HSF5: variants seen among roughly 807,000 people sequenced by gnomAD.
The protein encoded by HSF5 is heat shock transcription factor 5.
Under a neutral mutation model 50.8 loss-of-function variants are expected in HSF5, and 5 were observed. The ratio of observed to expected loss-of-function variants is 0.10; its 90% CI spans 0.05 to 0.21. The LOEUF (loss-of-function observed/expected upper bound fraction) is 0.21, where lower values mean the gene tolerates loss of function less well. HSF5 is among the 10% of genes least tolerant of loss of function. The probability of loss-of-function intolerance (pLI) is 1.00; values close to 1 mark genes in which losing one functional copy is unlikely to be tolerated. For synonymous variants in HSF5, 307 were observed against 307.4 expected (o/e 1.00, Z 0.02); for missense variants, 564 against 762.6 (o/e 0.74, Z 3.07).
chr17:58,447,899 C>A (rs1190576533), intron 5 of HSF5, among the ~76,000 whole-genome samples: 1 of 152,218 alleles, frequency 6.6e-6, no homozygotes, highest in East Asian at 1.9e-4. Context: ...CCTGTAATCC[C>A]AGCACTTGGG....
chr17:58,483,629 T>C (rs1975129750), intron 1 of HSF5, among the ~76,000 whole-genome samples: 1 of 152,258 alleles, frequency 6.6e-6, no homozygotes, highest in African/African-American at 2.4e-5. Flanking sequence ...CTTGAGAGCA[T>C]GGTATCCCCA....
chr17:58,444,919 G>C (rs1331110847), intron 5 of HSF5, among the ~76,000 whole-genome samples: 3 of 151,944 alleles, frequency 2.0e-5, no homozygotes, highest in South Asian at 2.1e-4. Context: ...TGAAAAATGG[G>C]CAAAAGACTT....
chr17:58,423,114 T>G (rs1296625827), intron 5 of HSF5, among the ~76,000 whole-genome samples: 1 of 152,230 alleles, frequency 6.6e-6, no homozygotes, highest in African/African-American at 2.4e-5. Context: ...GTGGGTGGGT[T>G]GTGGGAACAT....
chr17:58,487,180 A>G (rs1332129497), intron 1 of HSF5, among the ~76,000 whole-genome samples: 1 of 152,192 alleles, frequency 6.6e-6, no homozygotes, highest in Non-Finnish European at 1.5e-5. Flanking sequence ...TGCTGGGATT[A>G]CAGGCGTGAG....
chr17:58,486,263 G>A (rs1975178283), intron 1 of HSF5, among the ~76,000 whole-genome samples: 1 of 152,072 alleles, frequency 6.6e-6, no homozygotes, highest in African/African-American at 2.4e-5. Context: ...TACTCAGGAG[G>A]CTAAGGAATG....
chr17:58,484,126 C>T (rs1268649496), intron 1 of HSF5, among the ~76,000 whole-genome samples: 1 of 151,850 alleles, frequency 6.6e-6, no homozygotes, highest in Admixed American at 6.6e-5. Flanking sequence ...TAACACAATT[C>T]CCTAGTGAAC....
chr17:58,483,284 C>T (rs780968975), intron 1 of HSF5, among the ~76,000 whole-genome samples: 85 of 152,124 alleles, frequency 5.6e-4, no homozygotes, highest in Non-Finnish European at 1.1e-3. Context: ...GGAGTGATGG[C>T]CAATTAACTA....
chr17:58,481,844 A>G (rs1044635705), intron 1 of HSF5, among the ~76,000 whole-genome samples: 1 of 152,196 alleles, frequency 6.6e-6, no homozygotes, highest in African/African-American at 2.4e-5. Flanking sequence ...TACAAAATAT[A>G]CAAAAATCAG....
chr17:58,479,830 T>C lies in HSF5; in HGVS notation c.925+63A>G, dbSNP rs555914235. On this transcript the variant is annotated intron_variant, in intron 2 of 5. Transcript: ENST00000323777. ...CATAGACATTAAAATGCATTTAAAA[T>C]ATATATATATGCTCATTATAAACAA... 21 of 1,295,214 alleles carry C rather than the reference T, an allele frequency of 1.6e-5. No homozygotes were observed. The East Asian group carries it at 4.9e-4, about 30-fold the overall frequency. 80.2% of individuals were successfully genotyped at this position (1,295,214 alleles called of 1,614,324 possible).
intron 1 of HSF5, among the ~76,000 whole-genome samples, chr17:58,484,522 G>C (rs1975141878): frequency 6.6e-6 from 1 of 151,986 alleles, no homozygotes; most frequent in Admixed American, 6.6e-5. Flanking sequence ...TGTTTGAAGT[G>C]GTTATCCCAT....
chr17:58,469,098 G>GAA (rs60851317), intron 2 of HSF5, among the ~76,000 whole-genome samples: 52 of 121,038 alleles, frequency 4.3e-4, no homozygotes, highest in South Asian at 8.3e-4. Context: ...CTCGGGAAGG[G>GAA]AAAAAAAAAA....
At chr17:58,462,058 A>T (rs1279634660) in intron 4 of HSF5, among the ~76,000 whole-genome samples, 1 of 152,122 alleles carries the variant, frequency 6.6e-6, no homozygotes, top group African/African-American at 2.4e-5. Flanking sequence ...CCACGTCTCC[A>T]GTGTCTATTA....
intron 5 of HSF5, among the ~76,000 whole-genome samples, chr17:58,449,916 G>C (rs1350052811): frequency 6.8e-6 from 1 of 147,558 alleles, no homozygotes; most frequent in African/African-American, 2.5e-5. Context: ...CCAGCTACTT[G>C]GGAGGCTGAG....
chr17:58,483,226 C>T (rs991909904), intron 1 of HSF5, among the ~76,000 whole-genome samples: 3 of 152,102 alleles, frequency 2.0e-5, no homozygotes, highest in Middle Eastern at 3.2e-3. Flanking sequence ...TAAAGAATTC[C>T]CTACCTTAAA....
At chr17:58,483,797 A>G (rs192706362) in intron 1 of HSF5, among the ~76,000 whole-genome samples, 35 of 152,372 alleles carry the variant, frequency 2.3e-4, no homozygotes, top group Admixed American at 7.8e-4. Flanking sequence ...GAAGGTGAAC[A>G]GTGCAATTGG....
At chr17:58,469,564 G>C (rs1974918173) in intron 2 of HSF5, among the ~76,000 whole-genome samples, 1 of 152,122 alleles carries the variant, frequency 6.6e-6, no homozygotes, top group South Asian at 2.1e-4. Context: ...ATTTTGTATA[G>C]TCAACAAAAT....
At chr17:58,472,309 CCA>C (rs1974958996) in intron 2 of HSF5, among the ~76,000 whole-genome samples, 2 of 145,586 alleles carry the variant, frequency 1.4e-5, no homozygotes, top group Admixed American at 6.7e-5. Context: ...TGTACCCCCC[CCA>C]AAAAAAGTGT....
At position 58,466,061 on chromosome 17, in the gene HSF5, G is replaced by A. The variant is rs1300051928; in HGVS notation, c.1020+824C>T. Among the ~76,000 whole-genome samples the A allele has an allele frequency of 2.0e-5, 3 of 152,044 alleles. No individual in the cohort carries two copies. In the East Asian group the frequency reaches 5.8e-4, roughly 29 times the overall value. On this transcript the variant is annotated intron_variant, in intron 3 of 5. Transcript: ENST00000323777. Reference sequence around the variant, plus strand: ...AATTACCTTTAAACTATATGCATAAGGTATATATGAAACATAATTAGATTT... The same window carrying A: ...AATTACCTTTAAACTATATGCATAAAGTATATATGAAACATAATTAGATTT...
chr17:58,444,703 C>T (rs1402794482), intron 5 of HSF5, among the ~76,000 whole-genome samples: 1 of 151,916 alleles, frequency 6.6e-6, no homozygotes, highest in African/African-American at 2.4e-5. Flanking sequence ...ACACAAAGCA[C>T]AAGGAAAAGA....
Sources: allele counts gnomAD v4.1 joint callset (sites outside exome capture counted in the v4.1 genomes callset), GRCh38; gene constraint gnomAD v4.1.1; transcripts MANE v1.5; gene names NCBI Gene and HGNC (gene_info 2026-07-23, HGNC 2026-07-21).